TUBGCP3: variants seen among roughly 807,000 people sequenced by gnomAD.
TUBGCP3 encodes tubulin gamma complex component 3, also known as gamma-tubulin complex component 3.
In TUBGCP3, 50 loss-of-function variants were observed where a neutral mutation model predicts 123.1. The observed-to-expected ratio is 0.41, with a 90% CI of 0.32 to 0.51. The LOEUF is 0.51. Among genes scored for constraint, TUBGCP3 ranks in the 20% least tolerant of loss-of-function variants. The probability of loss-of-function intolerance (pLI) is 0.36; values close to 1 mark genes in which losing one functional copy is unlikely to be tolerated. For synonymous variants in TUBGCP3, 405 were observed against 413.9 expected (o/e 0.98, Z 0.26); for missense variants, 882 against 1,127.0 (o/e 0.78, Z 3.11).
At chr13:112,604,024 A>G in the TUBGCP3 span, 1 of 152,238 alleles carries the variant, frequency 6.6e-6, no homozygotes, top group South Asian at 2.1e-4. Context: ...GTTCAAATTT[A>G]GTCCTCCCTG....
intron 4 of TUBGCP3, among the ~76,000 whole-genome samples, 199 bp from the exon 5 acceptor site, chr13:112,558,612 T>C (rs1381288128): frequency 6.6e-6 from 1 of 152,186 alleles, no homozygotes; most frequent in Non-Finnish European, 1.5e-5. Context: ...TTTTCTGAAC[T>C]CCAACAACCA....
At position 112,511,263 on chromosome 13, in the gene TUBGCP3, G is replaced by A. The variant is rs966003773; in HGVS notation, c.2086+5177C>T. Among the ~76,000 whole-genome samples the A allele has an allele frequency of 1.1e-4, 17 of 152,308 alleles. No homozygotes were observed. Among genetic ancestry groups the A allele is most frequent in the African/African-American group, 2.6e-4 (11 of 41,564 alleles). On this transcript the variant is annotated intron_variant, in intron 17 of 21. Coordinates refer to ENST00000261965, the MANE Select transcript of TUBGCP3 (RefSeq NM_006322.6). This position sits in a 1 kb window ranked among gnomAD's most constrained non-coding sequence, Gnocchi z 4.1. Reference sequence around the variant, plus strand: ...GCCCCTCACAGGGCACTGCTGGCCCGCGGGCACCTGCCTTTCCTGGTAAGA... The same window carrying A: ...GCCCCTCACAGGGCACTGCTGGCCCACGGGCACCTGCCTTTCCTGGTAAGA...
chr13:112,537,014 G>A (rs1034993191), intron 11 of TUBGCP3, among the ~76,000 whole-genome samples: 3 of 151,944 alleles, frequency 2.0e-5, no homozygotes, highest in East Asian at 1.9e-4. Flanking sequence ...ACCGCAAGCC[G>A]TGCTCCTGCC....
intron 1 of TUBGCP3, among the ~76,000 whole-genome samples, chr13:112,583,283 A>G (rs1882397062): frequency 6.6e-6 from 1 of 152,256 alleles, no homozygotes; most frequent in South Asian, 2.1e-4. Flanking sequence ...CATTAGAATC[A>G]CAACTCAAAA....
intron 11 of TUBGCP3, among the ~76,000 whole-genome samples, chr13:112,529,602 T>A (rs1877411765): frequency 1.3e-5 from 2 of 152,216 alleles, no homozygotes; most frequent in African/African-American, 4.8e-5. Context: ...CCCAGTGGTC[T>A]GCCCTACTTT....
In TUBGCP3 at chr13:112,485,498, A is replaced by C. The variant is rs1879597415; in HGVS notation, c.*495T>G. 6.5e-6 allele frequency: 1 copy of C among 153,022 alleles called. No homozygotes were observed. Among genetic ancestry groups the C allele is most frequent in the Non-Finnish European group, 1.5e-5 (1 of 68,312 alleles). The allele number at this position is 153,022 out of a possible 1,614,324, so 9.5% of individuals were successfully genotyped here. On this transcript the variant is annotated 3_prime_UTR_variant, in exon 22 of 22. Transcript: ENST00000261965. ...GTTAATATTTTACAACACTAAAAAAAAATAAAATGCTCTATATATTTTCTT... is the reference window on the plus strand; with the variant it reads ...GTTAATATTTTACAACACTAAAAAACAATAAAATGCTCTATATATTTTCTT...
At chr13:112,539,145 G>T (rs536292357) in intron 11 of TUBGCP3, among the ~76,000 whole-genome samples, 1 of 152,146 alleles carries the variant, frequency 6.6e-6, no homozygotes, top group Non-Finnish European at 1.5e-5. Context: ...CAGCAGATAC[G>T]CTATACACTT....
intron 8 of TUBGCP3, among the ~76,000 whole-genome samples, chr13:112,551,725 G>A (rs1297537798): frequency 6.6e-6 from 1 of 152,148 alleles, no homozygotes; most frequent in Non-Finnish European, 1.5e-5. Context: ...ATTAATGCTT[G>A]CCCTGATCAT....
At position 112,556,155 on chromosome 13, in the gene TUBGCP3, A is replaced by G. The variant is rs1880018507; in HGVS notation, c.618T>C (p.Thr206=). ...RQQLGSRLAW[T]LTANQPSSQA... is the part of the protein sequence containing the mutation. Reference sequence around the variant, plus strand: ...GTGAAGAAGGCTGATTTGCAGTTAAAGTCCATGCGAGTCGTGACCCCAACT... The same window carrying G: ...GTGAAGAAGGCTGATTTGCAGTTAAGGTCCATGCGAGTCGTGACCCCAACT... Residue 206 remains threonine, a synonymous_variant, in exon 6 of 22, where the codon ACT becomes ACC. Coordinates refer to ENST00000261965, the MANE Select transcript of TUBGCP3 (RefSeq NM_006322.6). The G allele has an allele frequency of 6.2e-7, 1 of 1,614,104 alleles. No individual in the cohort carries two copies.
intron 1 of TUBGCP3, among the ~76,000 whole-genome samples, chr13:112,585,371 G>T (rs1882536354): frequency 6.6e-6 from 1 of 152,200 alleles, no homozygotes; most frequent in Non-Finnish European, 1.5e-5. Flanking sequence ...GTAAATAGCA[G>T]CATAATTTAA....
intron 6 of TUBGCP3, among the ~76,000 whole-genome samples, chr13:112,555,449 C>T (rs561490660): frequency 1.3e-5 from 2 of 152,280 alleles, no homozygotes; most frequent in African/African-American, 2.4e-5. Context: ...ACAGGGAAAC[C>T]CAATCCTCTG....
intron 7 of TUBGCP3, among the ~76,000 whole-genome samples, chr13:112,554,675 AG>A (rs2139211362): frequency 6.6e-6 from 1 of 152,316 alleles, no homozygotes; most frequent in Non-Finnish European, 1.5e-5. Context: ...ACGTGAGGAA[AG>A]GAGGCACACA....
the TUBGCP3 span, among the ~76,000 whole-genome samples, chr13:112,596,347 G>C: frequency 0.031 from 4,772 of 152,192 alleles, 107 homozygotes; most frequent in Middle Eastern, 0.058. Context: ...GAAATATCTT[G>C]ACTCTCCTTT....
At chr13:112,538,984 A>G (rs1327000584) in intron 11 of TUBGCP3, among the ~76,000 whole-genome samples, 1 of 152,258 alleles carries the variant, frequency 6.6e-6, no homozygotes, top group Non-Finnish European at 1.5e-5. Context: ...AACCTCACCA[A>G]AACTAATCAA....
At chr13:112,554,699 G>A (rs903815180) in intron 7 of TUBGCP3, among the ~76,000 whole-genome samples, 188 bp downstream of exon 7, 4 of 152,052 alleles carry the variant, frequency 2.6e-5, no homozygotes, top group African/African-American at 9.6e-5. Flanking sequence ...AATCACAAAG[G>A]GTCCCCATAA....
intron 11 of TUBGCP3, among the ~76,000 whole-genome samples, chr13:112,540,128 C>T (rs1182392864): frequency 1.3e-5 from 2 of 150,668 alleles, no homozygotes; most frequent in African/African-American, 2.4e-5. Flanking sequence ...GGAAAGGACA[C>T]CTGGGAATGA....
chr13:112,504,026 T>C lies in TUBGCP3; in HGVS notation c.2307+6A>G, dbSNP rs1247889678. The stretch of plus-strand genomic sequence containing the variant: ...TTTCTTGTTTCTAAGCAGGTCGGAG[T>C]CTTACCCTGGAGTCACTGTCCAGCA... On this transcript the variant is annotated splice_donor_region_variant and intron_variant, in intron 19 of 21. Transcript: ENST00000261965. 1 of 1,606,428 alleles carries C rather than the reference T, an allele frequency of 6.2e-7. No individual in the cohort carries two copies. Among genetic ancestry groups the C allele is most frequent in the Non-Finnish European group, 8.5e-7 (1 of 1,175,310 alleles).
At chr13:112,522,562 C>G in intron 13 of TUBGCP3, 53 bp from the exon 14 acceptor site, 1 of 1,551,412 alleles carries the variant, frequency 6.4e-7, no homozygotes, top group African/African-American at 1.3e-5. Flanking sequence ...TGTATTTCCA[C>G]AGAGGAGAAA....
intron 17 of TUBGCP3, among the ~76,000 whole-genome samples, chr13:112,510,488 T>C (rs546450572): frequency 2.8e-4 from 42 of 152,302 alleles, no homozygotes; most frequent in African/African-American, 9.6e-4. Context: ...CCAGATGACA[T>C]TTGTTAAGAC....
Sources: allele counts gnomAD v4.1 joint callset (sites outside exome capture counted in the v4.1 genomes callset), GRCh38; gene constraint gnomAD v4.1.1; non-coding constraint Gnocchi (gnomAD v3.1); transcripts MANE v1.5; gene names NCBI Gene and HGNC (gene_info 2026-07-23, HGNC 2026-07-21).